The following ZNF107 variants were observed in gnomAD, a reference collection of about 807,000 sequenced individuals.
ZNF107 encodes zinc finger protein 107.
Under a neutral mutation model 12.3 loss-of-function variants are expected in ZNF107, and 19 were observed. The ratio of observed to expected loss-of-function variants is 1.55; its 90% CI spans 1.08 to 2.27. ZNF107 has a LOEUF of 2.27. ZNF107 is among the 30% of genes most tolerant of loss of function. The probability of loss-of-function intolerance (pLI) is 0.00; values close to 1 mark genes in which losing one functional copy is unlikely to be tolerated. For synonymous variants in ZNF107, 317 were observed against 330.5 expected (o/e 0.96, Z 0.44); for missense variants, 958 against 979.9 (o/e 0.98, Z 0.30).
chr7:64,707,469 T>C lies in ZNF107; in HGVS notation c.1372T>C (p.Cys458Arg). Residue 458 changes from cysteine (C) to arginine (R), a missense_variant, in exon 4 of 4, where the codon TGT becomes CGT. Coordinates refer to ENST00000620827, the MANE Select transcript of ZNF107 (RefSeq NM_001282359.2). ...AGAGAAATCCTATAAATGTGAAGAA[T>C]GTGGCAAAGCTTTTAACCAACACTC... ...TAEKSYKCEE[C>R]GKAFNQHSNL... 6.2e-7 allele frequency: 1 copy of C among 1,613,380 alleles called. No homozygotes were observed. The highest frequency in any genetic ancestry group is 8.5e-7 in the Non-Finnish European group (1 of 1,179,682).
At chr7:64,688,458 A>G (rs1180607007) in intron 1 of ZNF107, among the ~76,000 whole-genome samples, 1 of 151,888 alleles carries the variant, frequency 6.6e-6, no homozygotes, top group Non-Finnish European at 1.5e-5. Flanking sequence ...GGGTTTCACC[A>G]TGTTGGCCAG....
chr7:64,694,641 G>A (rs541833681), intron 3 of ZNF107, among the ~76,000 whole-genome samples: 8 of 151,794 alleles, frequency 5.3e-5, no homozygotes, highest in Non-Finnish European at 7.4e-5. Flanking sequence ...AGCTGTCATC[G>A]CAGGTGTGAT....
chr7:64,672,251 G>C (rs998083986), intron 1 of ZNF107, among the ~76,000 whole-genome samples: 1 of 152,128 alleles, frequency 6.6e-6, no homozygotes, highest in East Asian at 1.9e-4. Flanking sequence ...CTTTATCCAT[G>C]TTGCTGCAAA....
At chr7:64,701,316 C>T (rs1280001658) in intron 3 of ZNF107, among the ~76,000 whole-genome samples, 1 of 151,598 alleles carries the variant, frequency 6.6e-6, no homozygotes, top group East Asian at 1.9e-4. Context: ...TGCAGTCTTG[C>T]TTTGTCACCC....
intron 1 of ZNF107, 105 bp downstream of exon 1, chr7:64,666,390 G>T: frequency 6.7e-7 from 1 of 1,483,260 alleles, no homozygotes. Flanking sequence ...GCGGCCCCAA[G>T]TTCTCCTTGG....
intron 3 of ZNF107, among the ~76,000 whole-genome samples, chr7:64,700,060 C>A (rs1352490670): frequency 2.4e-3 from 237 of 96,770 alleles, no homozygotes; most frequent in Middle Eastern, 6.0e-3. Flanking sequence ...GACTCCATCT[C>A]AAAAAAAAAA....
At chr7:64,668,123 C>T (rs1789075713) in intron 1 of ZNF107, among the ~76,000 whole-genome samples, 1 of 151,892 alleles carries the variant, frequency 6.6e-6, no homozygotes, top group Non-Finnish European at 1.5e-5. Context: ...GGTGGCCTGA[C>T]TTGACACATG....
Position 64,691,375 on chromosome 7 carries a change from G to A in ZNF107, c.130+1G>A. The A allele has an allele frequency of 6.8e-7, 1 of 1,470,220 alleles. No individual in the cohort carries two copies. Among genetic ancestry groups the A allele is most frequent in the Middle Eastern group, 1.8e-4 (1 of 5,472 alleles). 91.1% of individuals were successfully genotyped at this position (1,470,220 alleles called of 1,614,324 possible). A position where few individuals can be genotyped will look rare whatever the true frequency, so the allele number is the denominator to read the frequency against. On this transcript the variant is annotated splice_donor_variant, in intron 2 of 3. Transcript: ENST00000620827. LOFTEE classifies it high-confidence loss of function. ...AACTACAGAAACCTGGTCTTTTTGG[G>A]TGAGGATAACTTCAATACACAATTC...
chr7:64,669,872 A>G (rs1471073302), intron 1 of ZNF107, among the ~76,000 whole-genome samples: 2 of 152,244 alleles, frequency 1.3e-5, no homozygotes, highest in Non-Finnish European at 2.9e-5. Context: ...TCAAAACCCA[A>G]GTGAATAACC....
Position 64,707,267 on chromosome 7 carries a change from T to G in ZNF107, c.1170T>G (p.Ile390Met), listed in dbSNP as rs767516719. 1 of 1,613,158 alleles carries G rather than the reference T, an allele frequency of 6.2e-7. No individual in the cohort carries two copies. The highest frequency in any genetic ancestry group is 8.5e-7 in the Non-Finnish European group (1 of 1,179,706). ...RSLKLTAHKK[I>M]LMEEKPYKCE... ...TAAAACTTACTGCACATAAGAAAAT[T>G]CTAATGGAAGAGAAACCCTACAAAT... The change falls in exon 4 of 4, where the codon ATT (isoleucine) becomes ATG (methionine). Residue 390 changes from isoleucine to methionine, a missense_variant. Transcript: ENST00000620827.
chr7:64,688,234 T>C (rs1454344265), intron 1 of ZNF107, among the ~76,000 whole-genome samples: 1 of 149,888 alleles, frequency 6.7e-6, no homozygotes, highest in African/African-American at 2.4e-5. Context: ...CATGAGAATC[T>C]CCATATTTTT....
chr7:64,689,771 G>A (rs1045940417), intron 1 of ZNF107: 4 of 152,226 alleles, frequency 2.6e-5, no homozygotes, highest in African/African-American at 9.7e-5. Context: ...GATGTCCAGA[G>A]CAGAATTGTG....
chr7:64,681,735 A>G (rs542856469), intron 1 of ZNF107, among the ~76,000 whole-genome samples: 1 of 152,170 alleles, frequency 6.6e-6, no homozygotes, highest in East Asian at 1.9e-4. Flanking sequence ...CTTAGTACCC[A>G]TTAACTCTCC....
chr7:64,682,839 C>G (rs1427804479), intron 1 of ZNF107, among the ~76,000 whole-genome samples: 3 of 152,174 alleles, frequency 2.0e-5, no homozygotes, highest in African/African-American at 7.2e-5. Flanking sequence ...AAACCCCATG[C>G]TAACCATTGC....
intron 3 of ZNF107, among the ~76,000 whole-genome samples, chr7:64,696,988 C>T (rs1196315654): frequency 1.3e-5 from 2 of 150,104 alleles, no homozygotes; most frequent in African/African-American, 2.5e-5. Flanking sequence ...CCACAACAGT[C>T]CCCGGTGTGT....
chr7:64,709,657 C>G lies in ZNF107; in HGVS notation c.*1001C>G. On this transcript the variant is annotated 3_prime_UTR_variant, in exon 4 of 4. Coordinates refer to ENST00000620827, the MANE Select transcript of ZNF107 (RefSeq NM_001282359.2). ...CAACACTTTTAATAAATGCTCACCC[C>G]TTATTGCACAGGAAAGCATTTATAC... 2.2e-6 allele frequency: 1 copy of G among 452,414 alleles called. No homozygotes were observed. The highest frequency in any genetic ancestry group is 1.6e-5 in the South Asian group (1 of 63,322). 28.0% of individuals were successfully genotyped at this position (452,414 alleles called of 1,614,324 possible).
rs1788995318 is a variant in ZNF107 at position 64,666,251 on chromosome 7, C to T, written c.-32C>T. On this transcript the variant is annotated 5_prime_UTR_variant, in exon 1 of 4. Coordinates refer to ENST00000620827, the MANE Select transcript of ZNF107 (RefSeq NM_001282359.2). ...CCTGCAGATATTGGGAGATCCACAG[C>T]TAAGACGCCGGGACTCCCTGGAAAC... The T allele has an allele frequency of 6.2e-7, 1 of 1,607,870 alleles. No individual in the cohort carries two copies. The highest frequency in any genetic ancestry group is 1.3e-5 in the African/African-American group (1 of 74,770).
rs765456093 is a variant in ZNF107, at chr7:64,707,377, G to A, written c.1280G>A (p.Cys427Tyr). 1 of 1,613,352 alleles carries A rather than the reference G, an allele frequency of 6.2e-7. No individual in the cohort carries two copies. The highest frequency in any genetic ancestry group is 8.5e-7 in the Non-Finnish European group (1 of 1,179,710). The stretch of plus-strand genomic sequence containing the variant: ...CATACTGGAGAGAAACCCTACAAAT[G>A]TAAAGAATGTGGCAAAGCTTTTAAC... ...IIHTGEKPYK[C>Y]KECGKAFNQS... The change falls in exon 4 of 4, where the codon TGT becomes TAT. Residue 427 changes from cysteine (C) to tyrosine (Y), a missense_variant. Coordinates refer to ENST00000620827, the MANE Select transcript of ZNF107 (RefSeq NM_001282359.2).
rs1790113422 is a variant in ZNF107, at chr7:64,691,378, A to T, written c.130+4A>T. ...TACAGAAACCTGGTCTTTTTGGGTGAGGATAACTTCAATACACAATTCCCA... is the reference window on the plus strand; with the variant it reads ...TACAGAAACCTGGTCTTTTTGGGTGTGGATAACTTCAATACACAATTCCCA... On this transcript the variant is annotated splice_donor_region_variant and intron_variant, in intron 2 of 3. Coordinates refer to ENST00000620827, the MANE Select transcript of ZNF107 (RefSeq NM_001282359.2). 6.8e-6 allele frequency: 10 copies of T among 1,466,912 alleles called. No homozygotes were observed. In the South Asian group the frequency reaches 1.4e-4, roughly 21 times the overall value. The allele number at this position is 1,466,912 out of a possible 1,614,324, so 90.9% of individuals were successfully genotyped here. A position where few individuals can be genotyped will look rare whatever the true frequency, so the allele number is the denominator to read the frequency against.
Sources: gnomAD v4.1 joint callset for allele counts (sites outside exome capture counted in the v4.1 genomes callset) on GRCh38, gnomAD v4.1.1 for gene constraint, MANE v1.5 for transcripts, NCBI Gene and HGNC (gene_info 2026-07-23, HGNC 2026-07-21) for gene names.